The following PLAC1 variants were observed in gnomAD, a reference collection of about 807,000 sequenced individuals.
The protein encoded by PLAC1 is placenta associated 1.
For synonymous variants in PLAC1, 68 were observed against 62.1 expected (o/e 1.09, Z -0.44); for missense variants, 136 against 163.2 (o/e 0.83, Z 0.91).
chrX:134,749,799 T>C, intron 1 of PLAC1, among the ~76,000 whole-genome samples: 1 of 111,952 alleles, frequency 8.9e-6, no homozygotes, highest in African/African-American at 3.2e-5. Context: ...CTGGCCTCCA[T>C]TCCAAGAACA....
chrX:134,759,156 CTT>C (rs937431701), intron 1 of PLAC1, among the ~76,000 whole-genome samples: 4 of 103,396 alleles, frequency 3.9e-5, no homozygotes, highest in South Asian at 4.2e-4. Flanking sequence ...AAAAGGAACT[CTT>C]TTTTTTTTTT....
chrX:134,707,657 T>G (rs1412233977), intron 2 of PLAC1, among the ~76,000 whole-genome samples: 2 of 111,430 alleles, frequency 1.8e-5, no homozygotes, highest in African/African-American at 6.5e-5. Context: ...CAGAAACAAG[T>G]GATAGAAGGA....
intron 1 of PLAC1, among the ~76,000 whole-genome samples, chrX:134,631,497 A>G (rs1293963291): frequency 9.0e-6 from 1 of 111,710 alleles, no homozygotes; most frequent in Non-Finnish European, 1.9e-5. Flanking sequence ...TGTTATTATT[A>G]AGCCCTTACC....
At chrX:134,640,823 G>A (rs1370256816) in intron 1 of PLAC1, among the ~76,000 whole-genome samples, 1 of 112,455 alleles carries the variant, frequency 8.9e-6, no homozygotes, top group Admixed American at 9.4e-5. Context: ...AAAGGTCTGA[G>A]TAATGGGGCC....
chrX:134,567,434 A>G (rs1292945947), intron 2 of PLAC1, among the ~76,000 whole-genome samples: 1 of 111,990 alleles, frequency 8.9e-6, no homozygotes, highest in Non-Finnish European at 1.9e-5. Context: ...ACATTTTTCA[A>G]TGCATATTAC....
chrX:134,689,844 T>G (rs1273021836), intron 2 of PLAC1, among the ~76,000 whole-genome samples: 1 of 112,702 alleles, frequency 8.9e-6, no homozygotes, highest in Non-Finnish European at 1.9e-5. Context: ...CTTTTTAAAG[T>G]ACATTTTATT....
At chrX:134,655,986 G>T (rs1356774195) in intron 1 of PLAC1, among the ~76,000 whole-genome samples, 3 of 111,497 alleles carry the variant, frequency 2.7e-5, no homozygotes, top group Non-Finnish European at 1.9e-5. Context: ...ATGGCTTAAT[G>T]CCTTCTCTAG....
At chrX:134,575,179 G>A (rs2077931069) in intron 2 of PLAC1, among the ~76,000 whole-genome samples, 1 of 110,723 alleles carries the variant, frequency 9.0e-6, no homozygotes, top group African/African-American at 3.3e-5. Context: ...GAGTGTCCCC[G>A]AGCCTGAATG....
intron 1 of PLAC1, among the ~76,000 whole-genome samples, chrX:134,655,309 C>T (rs1185187770): frequency 9.8e-6 from 1 of 101,636 alleles, no homozygotes; most frequent in African/African-American, 3.7e-5. Context: ...CTGTGTAGTT[C>T]TGTTTCTATC....
chrX:134,739,641 T>G (rs1225707860), intron 1 of PLAC1, among the ~76,000 whole-genome samples: 1 of 112,977 alleles, frequency 8.9e-6, no homozygotes, highest in Non-Finnish European at 1.9e-5. Flanking sequence ...AGCATGTTTT[T>G]GGGGTGTCCG....
At chrX:134,755,980 T>C (rs1349633891) in intron 1 of PLAC1, among the ~76,000 whole-genome samples, 2 of 104,915 alleles carry the variant, frequency 1.9e-5, no homozygotes, top group Admixed American at 2.1e-4. Context: ...GCCTCCCAAG[T>C]AGCTGGGACT....
intron 2 of PLAC1, among the ~76,000 whole-genome samples, chrX:134,585,175 CAAAAA>C (rs56343935): frequency 1.5e-4 from 5 of 33,492 alleles, no homozygotes; most frequent in African/African-American, 1.5e-4. Context: ...ACTAAAAGTA[CAAAAA>C]AAAAAAAAAA....
At chrX:134,732,770 T>C (rs1294187286) in intron 2 of PLAC1, among the ~76,000 whole-genome samples, 2 of 112,234 alleles carry the variant, frequency 1.8e-5, no homozygotes, top group Admixed American at 9.4e-5. Context: ...ATATGTCCAA[T>C]GTCCTTGCTA....
intron 1 of PLAC1, among the ~76,000 whole-genome samples, chrX:134,763,584 G>GCC (rs970509962): frequency 4.5e-5 from 5 of 110,894 alleles, no homozygotes; most frequent in African/African-American, 1.6e-4. Context: ...ACTTTGGGAG[G>GCC]CCGAGGCAGG....
intron 1 of PLAC1, among the ~76,000 whole-genome samples, chrX:134,760,644 A>T (rs967875504): frequency 9.0e-6 from 1 of 110,829 alleles, no homozygotes; most frequent in African/African-American, 3.3e-5. Flanking sequence ...GGTTAAAAAA[A>T]AAAGGTTAAG....
At chrX:134,645,519 C>A (rs2078328641) in intron 1 of PLAC1, among the ~76,000 whole-genome samples, 1 of 111,453 alleles carries the variant, frequency 9.0e-6, no homozygotes, top group Non-Finnish European at 1.9e-5. Flanking sequence ...CCCTCTCTGA[C>A]CTTCTCTTCC....
intron 2 of PLAC1, among the ~76,000 whole-genome samples, chrX:134,730,290 T>C (rs1270921404): frequency 8.9e-6 from 1 of 112,111 alleles, no homozygotes; most frequent in Non-Finnish European, 1.9e-5. Flanking sequence ...TGGAAGCTCT[T>C]CTTCACAGCC....
At chrX:134,746,304 C>A (rs1345715019) in intron 1 of PLAC1, among the ~76,000 whole-genome samples, 1 of 112,108 alleles carries the variant, frequency 8.9e-6, no homozygotes, top group Non-Finnish European at 1.9e-5. Context: ...TCTCGCTGGG[C>A]AGGTTGCCTT....
intron 2 of PLAC1, among the ~76,000 whole-genome samples, chrX:134,586,994 A>G (rs1415622652): frequency 9.1e-6 from 1 of 110,218 alleles, no homozygotes; most frequent in Non-Finnish European, 1.9e-5. Flanking sequence ...CACCGCGCCC[A>G]GCCCACATTA....
Sources: allele counts gnomAD v4.1 joint callset (sites outside exome capture counted in the v4.1 genomes callset), GRCh38; gene constraint gnomAD v4.1.1; transcripts MANE v1.5; gene names NCBI Gene and HGNC (gene_info 2026-07-23, HGNC 2026-07-21).